Variants in LRRC55 observed in about 807,000 individuals in gnomAD.
LRRC55 encodes leucine rich repeat containing 55, also known as leucine-rich repeat-containing protein 55.
In LRRC55, 11 loss-of-function variants were observed where a neutral mutation model predicts 20.5. The observed-to-expected ratio is 0.54, with a 90% CI of 0.34 to 0.89. LRRC55 has a LOEUF of 0.89. LRRC55 is among the 40% of genes least tolerant of loss of function. LRRC55 has a pLI of 0.02. For missense variants in LRRC55, 358 were observed against 390.9 expected (o/e 0.92, Z 0.71); for synonymous variants, 188 against 166.6 (o/e 1.13, Z -0.99).
At chr11:57,184,701 G>A (rs896984161) in intron 1 of LRRC55, among the ~76,000 whole-genome samples, 12 of 152,272 alleles carry the variant, frequency 7.9e-5, no homozygotes, top group Admixed American at 7.2e-4. Context: ...GAACAAAGAG[G>A]GCCATAATAA....
In LRRC55 at chr11:57,187,395, C is replaced by T; in HGVS notation, c.812C>T (p.Ala271Val). 5.0e-6 allele frequency: 8 copies of T among 1,614,210 alleles called. No individual in the cohort carries two copies. Among genetic ancestry groups the T allele is most frequent in the Non-Finnish European group, 5.9e-6 (7 of 1,180,044 alleles). ...TTCGTGGGCTTCGTGGTCTCCATTG[C>T]TTCTGTGGCCACCAACTTCCTCCTG... Reference protein sequence around the residue: ...IAFVGFVVSIASVATNFLLGI... With the variant: ...IAFVGFVVSIVSVATNFLLGI... The change falls in exon 2 of 2, where the codon GCT becomes GTT. Residue 271 changes from alanine to valine, a missense_variant. Physicochemically the swap from Ala to Val is moderately conservative, Grantham distance 64. Around this residue, in one of 3 missense-constraint regions of LRRC55, gnomAD observed 178 missense variants for 207.9 expected, o/e 0.86. Coordinates refer to ENST00000497933, the MANE Select transcript of LRRC55 (RefSeq NM_001005210.4).
chr11:57,187,110 T>A, intron 1 of LRRC55, 135 bp from the exon 2 acceptor site: 2 of 781,058 alleles, frequency 2.6e-6, no homozygotes, highest in East Asian at 5.0e-5. Flanking sequence ...CTAAAGGAGT[T>A]AAGTAGAATT....
At chr11:57,184,608 C>T (rs1177810923) in intron 1 of LRRC55, among the ~76,000 whole-genome samples, 1 of 152,242 alleles carries the variant, frequency 6.6e-6, no homozygotes, top group African/African-American at 2.4e-5. Flanking sequence ...CTAGGTGATG[C>T]TCTTCCCTTT....
In LRRC55 at chr11:57,190,275, G is replaced by A. The variant is rs903455622; in HGVS notation, c.*2795G>A. ...TTGACATCAATGTCCTTTCTAGTGGGACAATTTGGTCTCCATTAATGCCAA... is the reference window on the plus strand; with the variant it reads ...TTGACATCAATGTCCTTTCTAGTGGAACAATTTGGTCTCCATTAATGCCAA... On this transcript the variant is annotated 3_prime_UTR_variant, in exon 2 of 2. Transcript: ENST00000497933. The A allele has an allele frequency of 6.6e-6, 1 of 152,200 alleles. No individual in the cohort carries two copies. The highest frequency in any genetic ancestry group is 1.5e-5 in the Non-Finnish European group (1 of 68,040). The allele number at this position is 152,200 out of a possible 1,614,324, so 9.4% of individuals were successfully genotyped here. A position where few individuals can be genotyped will look rare whatever the true frequency, so the allele number is the denominator to read the frequency against.
rs1187395609 is a variant in LRRC55, at chr11:57,190,617, T to C, written c.*3137T>C. ...GTCTGTCTGCGAGGTTCCTTGTATA[T>C]TGGCTGTCCGCTGACTTGGGACAGA... On this transcript the variant is annotated 3_prime_UTR_variant, in exon 2 of 2. Transcript: ENST00000497933. 1 of 152,210 alleles carries C rather than the reference T, an allele frequency of 6.6e-6. No homozygotes were observed. Among genetic ancestry groups the C allele is most frequent in the African/African-American group, 2.4e-5 (1 of 41,448 alleles). 9.4% of individuals were successfully genotyped at this position (152,210 alleles called of 1,614,324 possible). A position where few individuals can be genotyped will look rare whatever the true frequency, so the allele number is the denominator to read the frequency against.
intron 1 of LRRC55, among the ~76,000 whole-genome samples, chr11:57,186,808 G>A (rs956929923): frequency 2.0e-5 from 3 of 152,194 alleles, no homozygotes; most frequent in African/African-American, 7.2e-5. Context: ...TCCAGGGAAG[G>A]GTTTAAGTAG....
At position 57,182,598 on chromosome 11, in the gene LRRC55, G is replaced by T; in HGVS notation, c.576G>T (p.Gln192His). The change falls in exon 1 of 2, where the codon CAG becomes CAT. Residue 192 changes from glutamine (Q) to histidine (H), a missense_variant. Physicochemically the swap from Gln to His is conservative, Grantham distance 24. Transcript: ENST00000497933. ...GCCTACCGGGGCTGGTGACCCTGCA[G>T]ATCGGTGGCAATCCCTGGGTGTGTG... is the stretch of plus-strand genomic sequence containing the variant. ...LEGLPGLVTLQIGGNPWVCGC... is the reference protein window; with the variant it reads ...LEGLPGLVTLHIGGNPWVCGC... 1 of 1,529,638 alleles carries T rather than the reference G, an allele frequency of 6.5e-7. No homozygotes were observed. The highest frequency in any genetic ancestry group is 1.3e-5 in the South Asian group (1 of 76,330). The allele number at this position is 1,529,638 out of a possible 1,614,324, so 94.8% of individuals were successfully genotyped here.
chr11:57,189,553 T>C lies in LRRC55; in HGVS notation c.*2073T>C, dbSNP rs1854480072. The C allele has an allele frequency of 6.6e-6, 1 of 152,212 alleles. No individual in the cohort carries two copies. The highest frequency in any genetic ancestry group is 1.5e-5 in the Non-Finnish European group (1 of 68,062). 9.4% of individuals were successfully genotyped at this position (152,212 alleles called of 1,614,324 possible). A position where few individuals can be genotyped will look rare whatever the true frequency, so the allele number is the denominator to read the frequency against. On this transcript the variant is annotated 3_prime_UTR_variant, in exon 2 of 2. Transcript: ENST00000497933. ...TGGCAGTCATGTGAAAAGTAAGATC[T>C]TTGGGAATCAAGAAAGGAAGCTGTG... is the stretch of plus-strand genomic sequence containing the variant.
chr11:57,187,354 T>C lies in LRRC55; in HGVS notation c.771T>C (p.Asp257=), dbSNP rs368766885. ...KACHLTLTLD[D]YLFIAFVGFV... ...GCCACCTGACCCTGACCCTGGATGA[T>C]TACCTATTCATTGCGTTCGTGGGCT... Residue 257 remains aspartate (D), a synonymous_variant, in exon 2 of 2, where the codon GAT becomes GAC. Coordinates refer to ENST00000497933, the MANE Select transcript of LRRC55 (RefSeq NM_001005210.4). 1 of 1,614,092 alleles carries C rather than the reference T, an allele frequency of 6.2e-7. No homozygotes were observed. Among genetic ancestry groups the C allele is most frequent in the African/African-American group, 1.3e-5 (1 of 74,940 alleles).
At position 57,185,569 on chromosome 11, in the gene LRRC55, G is replaced by A. The variant is rs1232020099; in HGVS notation, c.662-1676G>A. On this transcript the variant is annotated intron_variant, in intron 1 of 1. Coordinates refer to ENST00000497933, the MANE Select transcript of LRRC55 (RefSeq NM_001005210.4). Reference sequence around the variant, plus strand: ...CAAAATGCTGGGATTACAGGCATGAGCCACTGTGTCTGGCTGGGTTATCCC... The same window carrying A: ...CAAAATGCTGGGATTACAGGCATGAACCACTGTGTCTGGCTGGGTTATCCC... Among the ~76,000 whole-genome samples the A allele has an allele frequency of 3.3e-5, 5 of 151,952 alleles. No individual in the cohort carries two copies. In the East Asian group the frequency reaches 9.6e-4, roughly 29 times the overall value.
At chr11:57,184,047 G>A (rs1162552842) in intron 1 of LRRC55, among the ~76,000 whole-genome samples, 2 of 152,228 alleles carry the variant, frequency 1.3e-5, no homozygotes, top group Non-Finnish European at 2.9e-5. Flanking sequence ...GGAGGACTGA[G>A]TGGGGAGCCC....
chr11:57,182,760 G>C, intron 1 of LRRC55, 77 bp downstream of exon 1: 1 of 1,370,872 alleles, frequency 7.3e-7, no homozygotes, highest in Non-Finnish European at 9.5e-7. Context: ...AAGAAAGCGG[G>C]GGAACTTAGA....
Position 57,187,755 on chromosome 11 carries a change from T to A in LRRC55, c.*275T>A. The A allele has an allele frequency of 1.9e-6, 1 of 522,540 alleles. No homozygotes were observed. The highest frequency in any genetic ancestry group is 3.4e-6 in the Non-Finnish European group (1 of 294,858). 32.4% of individuals were successfully genotyped at this position (522,540 alleles called of 1,614,324 possible). A position where few individuals can be genotyped will look rare whatever the true frequency, so the allele number is the denominator to read the frequency against. ...AAAAACTATTCCCTTTAAGACTATA[T>A]GTCAGGACTCTGAGCACGTCATTAT... On this transcript the variant is annotated 3_prime_UTR_variant, in exon 2 of 2. Transcript: ENST00000497933.
intron 1 of LRRC55, among the ~76,000 whole-genome samples, chr11:57,186,006 T>G (rs1362347147): frequency 1.3e-5 from 2 of 151,290 alleles, no homozygotes; most frequent in Non-Finnish European, 2.9e-5. Context: ...TTATATATTA[T>G]ATATTACATT....
rs12364102 is a variant in LRRC55, at chr11:57,182,217, G to A, written c.195G>A (p.Met65Ile). Reference sequence around the variant, plus strand: ...TCTCCGTGCCCCCAGACCTGCCAATGGACACCCGAAACCTCAGCCTGGCCC... The same window carrying A: ...TCTCCGTGCCCCCAGACCTGCCAATAGACACCCGAAACCTCAGCCTGGCCC... ...RLFSVPPDLP[M>I]DTRNLSLAHN... Residue 65 changes from methionine (M) to isoleucine (I), a missense_variant, in exon 1 of 2, where the codon ATG (methionine) becomes ATA (isoleucine). Physicochemically the swap from Met to Ile is conservative, Grantham distance 10. This residue lies in a region of LRRC55 where 175 missense variants were observed against 164.5 expected (regional missense o/e 1.06). Transcript: ENST00000497933. 0.11 allele frequency: 172,485 copies of A among 1,614,142 alleles called. 9,856 individuals are homozygous for A. The highest frequency in any genetic ancestry group is 0.12 in the Non-Finnish European group (141,581 of 1,180,010).
At position 57,182,631 on chromosome 11, in the gene LRRC55, CATGGA is replaced by C; in HGVS notation, c.611_615del (p.Met204ThrfsTer21). On this transcript the variant is annotated frameshift_variant, in exon 1 of 2. Coordinates refer to ENST00000497933, the MANE Select transcript of LRRC55 (RefSeq NM_001005210.4). LOFTEE classifies it high-confidence loss of function. ...GCAATCCCTGGGTGTGTGGCTGCAC[CATGGA>C]ACCCCTGCTGAAGTGGCTGCGAAAC... The C allele has an allele frequency of 6.6e-7, 1 of 1,519,352 alleles. No homozygotes were observed. The highest frequency in any genetic ancestry group is 8.8e-7 in the Non-Finnish European group (1 of 1,134,818). 94.1% of individuals were successfully genotyped at this position (1,519,352 alleles called of 1,614,324 possible). A position where few individuals can be genotyped will look rare whatever the true frequency, so the allele number is the denominator to read the frequency against.
In LRRC55 at chr11:57,191,188, A is replaced by C. The variant is rs1854505717; in HGVS notation, c.*3708A>C. On this transcript the variant is annotated 3_prime_UTR_variant, in exon 2 of 2. Transcript: ENST00000497933. ...AATTCCCAGGGAACTTTGCAGAAAT[A>C]GGTCTCCAGAGTTGCTACAGAGGTT... The C allele has an allele frequency of 6.6e-6, 1 of 152,154 alleles. No homozygotes were observed. The highest frequency in any genetic ancestry group is 1.5e-5 in the Non-Finnish European group (1 of 68,040). 9.4% of individuals were successfully genotyped at this position (152,154 alleles called of 1,614,324 possible).
rs761406301 is a variant in LRRC55 at position 57,189,729 on chromosome 11, CAG to C, written c.*2250_*2251del. ...AGTCTGGCCAGGAGGAGAATTAAAA[CAG>C]GGGCTTTCCACACCTCCCTTGCCCC... On this transcript the variant is annotated 3_prime_UTR_variant, in exon 2 of 2. Coordinates refer to ENST00000497933, the MANE Select transcript of LRRC55 (RefSeq NM_001005210.4). The C allele has an allele frequency of 6.6e-6, 1 of 152,238 alleles. No individual in the cohort carries two copies. The highest frequency in any genetic ancestry group is 1.5e-5 in the Non-Finnish European group (1 of 68,088). The allele number at this position is 152,238 out of a possible 1,614,324, so 9.4% of individuals were successfully genotyped here.
Position 57,190,162 on chromosome 11 carries a change from C to G in LRRC55, c.*2682C>G, listed in dbSNP as rs1402021172. On this transcript the variant is annotated 3_prime_UTR_variant, in exon 2 of 2. Transcript: ENST00000497933. ...TAATACTATAATAACCTCCCAGGAACTATTGTTTGCCAAAATGTAGTTAAT... is the reference window on the plus strand; with the variant it reads ...TAATACTATAATAACCTCCCAGGAAGTATTGTTTGCCAAAATGTAGTTAAT... The G allele has an allele frequency of 6.6e-6, 1 of 152,200 alleles. No individual in the cohort carries two copies. The highest frequency in any genetic ancestry group is 2.4e-5 in the African/African-American group (1 of 41,458). The allele number at this position is 152,200 out of a possible 1,614,324, so 9.4% of individuals were successfully genotyped here.
Sources: gnomAD v4.1 joint callset for allele counts (sites outside exome capture counted in the v4.1 genomes callset) on GRCh38, gnomAD v4.1.1 for gene constraint, gnomAD v4.1.1 regional missense constraint, MANE v1.5 for transcripts, NCBI Gene and HGNC (gene_info 2026-07-23, HGNC 2026-07-21) for gene names.